The following WNT9B variants were observed in gnomAD, a reference collection of about 807,000 sequenced individuals.
WNT9B encodes Wnt family member 9B.
Under a neutral mutation model 30.2 loss-of-function variants are expected in WNT9B, and 12 were observed. The ratio of observed to expected loss-of-function variants is 0.40; its 90% CI spans 0.26 to 0.64. WNT9B has a LOEUF of 0.64. WNT9B is among the 30% of genes least tolerant of loss of function. The pLI, the probability that WNT9B is intolerant of heterozygous loss-of-function variation, is 0.42. For missense variants in WNT9B, 442 were observed against 485.2 expected (o/e 0.91, Z 0.84); for synonymous variants, 218 against 216.9 (o/e 1.01, Z -0.05).
At chr17:46,847,967 AGTGTGTGTGT>A (rs57125736), upstream of WNT9B, among the ~76,000 whole-genome samples, 14 of 149,702 alleles carry the variant, frequency 9.4e-5, no homozygotes, top group East Asian at 2.6e-3. Flanking sequence ...TGATTTCCAA[AGTGTGTGTGT>A]GTGTGTGTGT....
Position 46,851,637 on chromosome 17 carries a change from C to A in WNT9B, c.-2C>A. 7.8e-7 allele frequency: 1 copy of A among 1,274,988 alleles called. No homozygotes were observed. Among genetic ancestry groups the A allele is most frequent in the Non-Finnish European group, 9.9e-7 (1 of 1,015,004 alleles). 79.0% of individuals were successfully genotyped at this position (1,274,988 alleles called of 1,614,324 possible). ...GCTAGAGGGCGCAGCGCCGCCAGCA[C>A]CATGCGCCCCCCGCCCGCGCTGGCC... On this transcript the variant is annotated 5_prime_UTR_variant, in exon 1 of 4. Transcript: ENST00000290015. The surrounding 1 kb of genome is among the most constrained non-coding windows in gnomAD (Gnocchi z 4.3).
intron 1 of WNT9B, 53 bp from the exon 2 acceptor site, chr17:46,872,464 C>T (rs1373631774): frequency 4.9e-6 from 7 of 1,435,344 alleles, no homozygotes; most frequent in East Asian, 5.1e-5. Flanking sequence ...CTTCATTTGC[C>T]CCTCACCACC....
At chr17:46,873,589 T>C (rs2085291959) in intron 2 of WNT9B, among the ~76,000 whole-genome samples, 3 of 152,326 alleles carry the variant, frequency 2.0e-5, no homozygotes, top group African/African-American at 7.2e-5. Flanking sequence ...CTGGGCGCAG[T>C]GGCTTGTGCC....
At chr17:46,864,145 C>T (rs2085092736) in intron 1 of WNT9B, among the ~76,000 whole-genome samples, 1 of 152,206 alleles carries the variant, frequency 6.6e-6, no homozygotes, top group Non-Finnish European at 1.5e-5. Context: ...GATCGGAGCC[C>T]AGGGTGCATT....
At chr17:46,869,947 T>C (rs2085209921) in intron 1 of WNT9B, among the ~76,000 whole-genome samples, 1 of 151,788 alleles carries the variant, frequency 6.6e-6, no homozygotes, top group Non-Finnish European at 1.5e-5. Context: ...TACAGTGAGC[T>C]GAGATCACAC....
intron 1 of WNT9B, among the ~76,000 whole-genome samples, chr17:46,868,457 G>A (rs1001215955): frequency 3.9e-5 from 6 of 152,082 alleles, no homozygotes; most frequent in East Asian, 1.9e-4. Flanking sequence ...ATAGCTGGGC[G>A]TGGTGGCACG....
intron 1 of WNT9B, among the ~76,000 whole-genome samples, chr17:46,843,276 C>G (rs577390604): frequency 6.6e-6 from 1 of 152,232 alleles, no homozygotes; most frequent in Non-Finnish European, 1.5e-5. Flanking sequence ...TCAACCTCCT[C>G]TCACTCCAAA....
rs183601817 is a variant in WNT9B at position 46,865,833 on chromosome 17, A to G, written c.78-6684A>G. On this transcript the variant is annotated intron_variant, in intron 1 of 3. Coordinates refer to ENST00000290015, the MANE Select transcript of WNT9B (RefSeq NM_003396.3). ...ACTTACGTTGCCCAGGCTGGTTTTG[A>G]ACTCCTAGGCTCAAGTGATTCACCT... Among the ~76,000 whole-genome samples the G allele has an allele frequency of 1.9e-3, 287 of 152,170 alleles. 2 individuals carry two copies. Among genetic ancestry groups the G allele is most frequent in the Admixed American group, 8.9e-3 (136 of 15,290 alleles).
chr17:46,886,649 C>G (rs1003287745), exon 5 of WNT9B: 1 of 152,182 alleles, frequency 6.6e-6, no homozygotes, highest in East Asian at 1.9e-4. Context: ...GATCATGTTG[C>G]TGGTTGGAGT....
chr17:46,845,785 C>CTTTTTTTT (rs34253824), intron 1 of WNT9B, among the ~76,000 whole-genome samples: 1 of 86,792 alleles, frequency 1.2e-5, no homozygotes. Context: ...ACTGTGCTGG[C>CTTTTTTTT]TTTTTTTTTT....
chr17:46,855,896 T>C (rs867124058), intron 1 of WNT9B, among the ~76,000 whole-genome samples: 12 of 152,196 alleles, frequency 7.9e-5, no homozygotes, highest in Middle Eastern at 3.4e-3. Context: ...ACCATGTTGA[T>C]CAGGCTGGTC....
chr17:46,838,802 CAT>C (rs1204497330), intron 1 of WNT9B, among the ~76,000 whole-genome samples: 1 of 152,066 alleles, frequency 6.6e-6, no homozygotes, highest in Non-Finnish European at 1.5e-5. Context: ...GATAATTTGG[CAT>C]AGAGGCCTGT....
At chr17:46,885,031 C>T (rs1192153683), downstream of WNT9B, 1 of 437,888 alleles carries the variant, frequency 2.3e-6, no homozygotes, top group Non-Finnish European at 4.5e-6. Context: ...TCTTGTTGCG[C>T]AGGTTGGAGT....
chr17:46,834,560 C>G (rs190010655), intron 1 of WNT9B, among the ~76,000 whole-genome samples: 20 of 152,278 alleles, frequency 1.3e-4, no homozygotes, highest in Middle Eastern at 6.8e-3. Context: ...ATCTCAAGAA[C>G]GGTCAACTCT....
At chr17:46,861,886 G>A (rs984576953) in intron 1 of WNT9B, among the ~76,000 whole-genome samples, 12 of 152,178 alleles carry the variant, frequency 7.9e-5, no homozygotes, top group African/African-American at 2.7e-4. Flanking sequence ...AAAGTAGGCC[G>A]GGTGCAGTGG....
chr17:46,875,469 G>T, intron 3 of WNT9B, 103 bp downstream of exon 3: 1 of 1,412,344 alleles, frequency 7.1e-7, no homozygotes, highest in Non-Finnish European at 9.4e-7. Context: ...AATACATGAA[G>T]AGCCGTGAAC....
upstream of WNT9B, among the ~76,000 whole-genome samples, chr17:46,848,941 C>A (rs1234114842): frequency 6.6e-6 from 1 of 152,156 alleles, no homozygotes; most frequent in Admixed American, 6.5e-5. Context: ...TGCACACACA[C>A]ACACACACAG....
intron 1 of WNT9B, among the ~76,000 whole-genome samples, chr17:46,862,032 A>G (rs2085046424): frequency 6.6e-6 from 1 of 151,960 alleles, no homozygotes; most frequent in African/African-American, 2.4e-5. Context: ...GCGTGGTGAC[A>G]GCCGCTTGTA....
chr17:46,835,680 C>T (rs2084620064), intron 1 of WNT9B, among the ~76,000 whole-genome samples: 1 of 152,222 alleles, frequency 6.6e-6, no homozygotes, highest in Admixed American at 6.5e-5. Context: ...AAGATTTGTC[C>T]CCAAAGCTCA....
Sources: allele counts gnomAD v4.1 joint callset (sites outside exome capture counted in the v4.1 genomes callset), GRCh38; gene constraint gnomAD v4.1.1; non-coding constraint Gnocchi (gnomAD v3.1); transcripts MANE v1.5; gene names NCBI Gene and HGNC (gene_info 2026-07-23, HGNC 2026-07-21).